CACNA1E: variants seen among roughly 807,000 people sequenced by gnomAD.
CACNA1E encodes voltage-dependent R-type calcium channel subunit alpha-1E.
A neutral mutation model predicts 259.2 loss-of-function variants in CACNA1E; 40 were observed. The observed-to-expected ratio is 0.15, with a 90% CI of 0.12 to 0.20. The LOEUF (loss-of-function observed/expected upper bound fraction) is 0.20. Ranked by LOEUF, CACNA1E falls within the 10% of genes least tolerant of loss-of-function variation. CACNA1E has a pLI of 1.00. For synonymous variants in CACNA1E, 1,104 were observed against 1,138.5 expected, an observed-to-expected ratio of 0.97 and a Z score of 0.61; for missense variants, 1,874 against 3,040.1, an observed-to-expected ratio of 0.62 and a Z score of 9.02.
At chr1:181,532,554 G>C (rs1228238344) in intron 3 of CACNA1E, among the ~76,000 whole-genome samples, 1 of 152,260 alleles carries the variant, frequency 6.6e-6, no homozygotes, top group African/African-American at 2.4e-5. Context: ...CTCAAAGAGA[G>C]AGTGTTGGAG....
At chr1:181,713,630 G>T (rs1342369854) in intron 8 of CACNA1E, among the ~76,000 whole-genome samples, 1 of 152,130 alleles carries the variant, frequency 6.6e-6, no homozygotes, top group Non-Finnish European at 1.5e-5. Flanking sequence ...CTTGTTAAAA[G>T]TGTTTAAATT....
chr1:181,654,104 TTAGAGA>T (rs1490714465), intron 7 of CACNA1E, among the ~76,000 whole-genome samples: 1 of 151,762 alleles, frequency 6.6e-6, no homozygotes, highest in African/African-American at 2.4e-5. Context: ...GTATCTGCTA[TTAGAGA>T]TAGAAGAGAA....
chr1:181,438,513 C>T (rs1660233788), intron 2 of CACNA1E, among the ~76,000 whole-genome samples: 1 of 152,162 alleles, frequency 6.6e-6, no homozygotes, highest in South Asian at 2.1e-4. Flanking sequence ...TTGCTTTTGC[C>T]TTTTTATTTT....
chr1:181,438,279 T>C (rs1660224159), intron 2 of CACNA1E, among the ~76,000 whole-genome samples: 1 of 152,214 alleles, frequency 6.6e-6, no homozygotes, highest in South Asian at 2.1e-4. Context: ...TCATAATGGC[T>C]CTAGAAGCAG....
chr1:181,731,094 TCTGGAAATCTG>T, intron 18 of CACNA1E, 70 bp from the exon 19 acceptor site: 2 of 1,119,774 alleles, frequency 1.8e-6, no homozygotes, highest in Non-Finnish European at 2.7e-6. Context: ...CCTGTCTCCC[TCTGGAAATCTG>T]CTGGTGGCTG....
intron 1 of CACNA1E, among the ~76,000 whole-genome samples, chr1:181,380,543 A>G (rs1463432244): frequency 6.6e-6 from 1 of 152,248 alleles, no homozygotes; most frequent in Non-Finnish European, 1.5e-5. Flanking sequence ...TTGTTTGCTG[A>G]AACAAAATTT....
At chr1:181,759,407 G>T (rs1419140637) in intron 32 of CACNA1E, among the ~76,000 whole-genome samples, 3 of 151,684 alleles carry the variant, frequency 2.0e-5, no homozygotes, top group African/African-American at 7.3e-5. Flanking sequence ...GTGTGTGTGT[G>T]TGTGTGTGTG....
intron 1 of CACNA1E, among the ~76,000 whole-genome samples, chr1:181,318,775 C>T (rs567225422): frequency 3.3e-5 from 5 of 152,242 alleles, no homozygotes; most frequent in African/African-American, 9.6e-5. Flanking sequence ...TATGGAGTTG[C>T]GGGTCAGAGC....
intron 7 of CACNA1E, among the ~76,000 whole-genome samples, chr1:181,683,508 AGGTT>A: frequency 6.6e-6 from 1 of 152,168 alleles, no homozygotes; most frequent in South Asian, 2.1e-4. Context: ...CATGTCACTG[AGGTT>A]TGGTGTACAA....
intron 2 of CACNA1E, among the ~76,000 whole-genome samples, chr1:181,468,057 G>C (rs538434321): frequency 3.9e-5 from 6 of 152,278 alleles, no homozygotes; most frequent in Admixed American, 2.6e-4. Context: ...CTGCAACATG[G>C]AGGGGTTAGA....
At chr1:181,320,388 C>T (rs1039861267) in intron 1 of CACNA1E, among the ~76,000 whole-genome samples, 1 of 152,150 alleles carries the variant, frequency 6.6e-6, no homozygotes, top group Admixed American at 6.5e-5. Flanking sequence ...CCCCTTGCAG[C>T]CCATAAATCT....
At position 181,612,793 on chromosome 1, in the gene CACNA1E, T is replaced by C. The variant is rs896445587; in HGVS notation, c.951+32017T>C. Among the ~76,000 whole-genome samples the C allele has an allele frequency of 2.0e-5, 3 of 152,244 alleles. No individual in the cohort carries two copies. In the East Asian group the frequency reaches 5.8e-4, roughly 29 times the overall value. On this transcript the variant is annotated intron_variant, in intron 6 of 47. Transcript: ENST00000367573. ...CTCCTTCAGTTTTTGAGTACACATA[T>C]AACTGTCAGGTTGACTGAATAAGTT...
Position 181,726,127 on chromosome 1 carries a change from C to T in CACNA1E, c.2205C>T (p.Val735=), listed in dbSNP as rs1654885175. 6.2e-7 allele frequency: 1 copy of T among 1,612,912 alleles called. No homozygotes were observed. The highest frequency in any genetic ancestry group is 8.5e-7 in the Non-Finnish European group (1 of 1,179,470). Residue 735 remains valine, a synonymous_variant, in exon 18 of 48, where the codon GTC becomes GTT. Transcript: ENST00000367573. ...ATGCACTGCAGAAGGCCAAGGAGGT[C>T]AGCCCGATGTCTGCACCCAACATGC... ...QKHALQKAKE[V]SPMSAPNMPS...
At position 181,793,801 on chromosome 1, in the gene CACNA1E, G is replaced by A. The variant is rs879081441; in HGVS notation, c.6027+8G>A. On this transcript the variant is annotated splice_region_variant and intron_variant, in intron 45 of 47. Coordinates refer to ENST00000367573, the MANE Select transcript of CACNA1E (RefSeq NM_001205293.3). ...CTGACTGTGGATCCCCAGGTAAAAA[G>A]CAACCACCTACATTAATGCAGTGGC... The A allele has an allele frequency of 3.1e-6, 5 of 1,610,588 alleles. No homozygotes were observed. In the South Asian group the frequency reaches 3.3e-5, roughly 11 times the overall value.
In CACNA1E at chr1:181,505,292, A is replaced by C. The variant is rs1242925605; in HGVS notation, c.267-5185A>C. 2.6e-5 allele frequency among the ~76,000 whole-genome samples: 4 copies of C among 152,328 alleles called. No individual in the cohort carries two copies. In the East Asian group the frequency reaches 7.7e-4, roughly 29 times the overall value. The stretch of plus-strand genomic sequence containing the variant: ...TTAGAGGAGTAAAGAAGAAAGTGAA[A>C]ATAACCCTGCTACCGAGAGAAGACT... On this transcript the variant is annotated intron_variant, in intron 1 of 47. Transcript: ENST00000367573.
intron 6 of CACNA1E, among the ~76,000 whole-genome samples, chr1:181,592,447 G>C (rs1652750156): frequency 7.3e-6 from 1 of 137,868 alleles, no homozygotes; most frequent in African/African-American, 2.7e-5. Context: ...TGCAGCCTCT[G>C]CTTGTCCTGC....
At chr1:181,783,513 G>T (rs553530394) in intron 39 of CACNA1E, among the ~76,000 whole-genome samples, 166 bp from the exon 40 acceptor site, 1 of 152,268 alleles carries the variant, frequency 6.6e-6, no homozygotes, top group African/African-American at 2.4e-5. Flanking sequence ...CAGCAAATGA[G>T]CCTTAAGTGA....
intron 3 of CACNA1E, among the ~76,000 whole-genome samples, chr1:181,560,921 G>A (rs181664541): frequency 4.6e-5 from 7 of 152,320 alleles, no homozygotes; most frequent in African/African-American, 1.7e-4. Flanking sequence ...AACGAAGGTA[G>A]GCCTGACACA....
At chr1:181,612,300 G>A (rs1318745464) in intron 6 of CACNA1E, among the ~76,000 whole-genome samples, 2 of 152,232 alleles carry the variant, frequency 1.3e-5, no homozygotes, top group African/African-American at 4.8e-5. Context: ...GTCACGTGAT[G>A]CACTCTCCTT....
Sources: allele counts gnomAD v4.1 joint callset (sites outside exome capture counted in the v4.1 genomes callset), GRCh38; gene constraint gnomAD v4.1.1; transcripts MANE v1.5; gene names NCBI Gene and HGNC (gene_info 2026-07-23, HGNC 2026-07-21).